Variants in ERICH5 observed in about 807,000 individuals in gnomAD.
The protein encoded by ERICH5 is glutamate rich 5.
In ERICH5, 24 loss-of-function variants were observed where a neutral mutation model predicts 28.0. The observed-to-expected ratio is 0.86, with a 90% CI of 0.62 to 1.21. ERICH5 has a LOEUF of 1.21. Ranked by LOEUF, ERICH5 falls within the 50% of genes most tolerant of loss-of-function variation. The probability of loss-of-function intolerance (pLI) is 0.00; values close to 1 mark genes in which losing one functional copy is unlikely to be tolerated. For missense variants in ERICH5, 421 were observed against 441.2 expected (o/e 0.95, Z 0.41); for synonymous variants, 163 against 157.6 (o/e 1.03, Z -0.25).
chr8:98,082,956 C>A (rs1815208786), intron 1 of ERICH5, among the ~76,000 whole-genome samples: 1 of 152,230 alleles, frequency 6.6e-6, no homozygotes, highest in South Asian at 2.1e-4. Context: ...TGACGGATCA[C>A]TTGGACACTT....
intron 1 of ERICH5, among the ~76,000 whole-genome samples, chr8:98,080,115 C>T (rs886954687): frequency 5.9e-5 from 9 of 152,184 alleles, no homozygotes; most frequent in African/African-American, 1.9e-4. Flanking sequence ...AGTTCTGCCC[C>T]GTGCAGTGAG....
In ERICH5 at chr8:98,089,267, C is replaced by T; in HGVS notation, c.250C>T (p.Leu84=). ...NGVKPLQEQP[L]AKDVAPGRDA... is the part of the protein sequence containing the mutation. ...TGTTAAACCCCTCCAAGAACAGCCC[C>T]TGGCCAAGGACGTAGCCCCTGGAAG... The change falls in exon 2 of 3, where the codon CTG becomes TTG. Residue 84 remains leucine (L), a synonymous_variant. Coordinates refer to ENST00000318528, the MANE Select transcript of ERICH5 (RefSeq NM_173549.3). The T allele has an allele frequency of 1.5e-5, 24 of 1,614,228 alleles. No individual in the cohort carries two copies. Among genetic ancestry groups the T allele is most frequent in the Non-Finnish European group, 2.0e-5 (24 of 1,180,030 alleles).
At chr8:98,088,934 T>C (rs992903287) in intron 1 of ERICH5, 142 bp from the exon 2 acceptor site, 1 of 634,084 alleles carries the variant, frequency 1.6e-6, no homozygotes, top group South Asian at 2.0e-5. Flanking sequence ...GGTCATGGTA[T>C]GGCCTTTCTG....
chr8:98,073,428 C>A (rs1277368637), intron 1 of ERICH5, among the ~76,000 whole-genome samples: 8 of 19,680 alleles, frequency 4.1e-4, no homozygotes, highest in East Asian at 4.9e-3. Context: ...CTCTCTCTCT[C>A]TCTCTATATA....
At chr8:98,087,354 G>A (rs375072664) in intron 1 of ERICH5, among the ~76,000 whole-genome samples, 16 of 151,990 alleles carry the variant, frequency 1.1e-4, no homozygotes, top group African/African-American at 3.6e-4. Context: ...GAGGAGACCC[G>A]AGTATTACTT....
chr8:98,089,892 G>T lies in ERICH5; in HGVS notation c.875G>T (p.Gly292Val). ...GATCCATTCCATAAAACTCCTGAAG[G>T]TCCAGGAAACATGGAGCAGATTCAA... is the stretch of plus-strand genomic sequence containing the variant. ...MNDPFHKTPE[G>V]PGNMEQIQPE... The change falls in exon 2 of 3, where the codon GGT becomes GTT. Residue 292 changes from glycine (G) to valine (V), a missense_variant. Coordinates refer to ENST00000318528, the MANE Select transcript of ERICH5 (RefSeq NM_173549.3). 6.2e-7 allele frequency: 1 copy of T among 1,614,182 alleles called. No individual in the cohort carries two copies. Among genetic ancestry groups the T allele is most frequent in the African/African-American group, 1.3e-5 (1 of 75,048 alleles).
chr8:98,066,199 G>A (rs1037487212), intron 1 of ERICH5, among the ~76,000 whole-genome samples: 3 of 152,174 alleles, frequency 2.0e-5, no homozygotes, highest in African/African-American at 7.2e-5. Flanking sequence ...GATGTTTCGT[G>A]TTTTATGTTA....
At chr8:98,090,386 G>A (rs142542125) in intron 2 of ERICH5, among the ~76,000 whole-genome samples, 2 of 152,254 alleles carry the variant, frequency 1.3e-5, no homozygotes, top group Non-Finnish European at 2.9e-5. Context: ...ATGATTACTG[G>A]AGGAATTCAC....
intron 1 of ERICH5, among the ~76,000 whole-genome samples, chr8:98,074,847 T>C (rs1172748000): frequency 6.6e-6 from 1 of 152,144 alleles, no homozygotes; most frequent in Non-Finnish European, 1.5e-5. Context: ...AAGTCCATGC[T>C]TTAGTCAGAT....
intron 1 of ERICH5, among the ~76,000 whole-genome samples, chr8:98,073,144 G>A (rs763464082): frequency 1.6e-4 from 24 of 151,956 alleles, no homozygotes; most frequent in African/African-American, 4.8e-4. Context: ...TCAAATCCTC[G>A]TTCAGGATCA....
intron 1 of ERICH5, among the ~76,000 whole-genome samples, chr8:98,086,612 TACA>T (rs1461379219): frequency 1.3e-4 from 20 of 152,218 alleles, no homozygotes; most frequent in Admixed American, 1.3e-3. Flanking sequence ...TAATCCAAAT[TACA>T]ACATTAGTAT....
intron 1 of ERICH5, among the ~76,000 whole-genome samples, chr8:98,068,330 T>C (rs184685542): frequency 3.3e-5 from 5 of 152,238 alleles, no homozygotes; most frequent in Admixed American, 2.0e-4. Flanking sequence ...GGTGTGTGTG[T>C]TTGGGAGAAC....
chr8:98,073,227 A>G (rs1424464202), intron 1 of ERICH5, among the ~76,000 whole-genome samples: 1 of 151,442 alleles, frequency 6.6e-6, no homozygotes, highest in Non-Finnish European at 1.5e-5. Flanking sequence ...TAGGATCAAC[A>G]ATAGTACTTC....
Position 98,089,326 on chromosome 8 carries a change from G to T in ERICH5, c.309G>T (p.Lys103Asn), listed in dbSNP as rs35339824. 1 of 1,614,230 alleles carries T rather than the reference G, an allele frequency of 6.2e-7. No individual in the cohort carries two copies. The highest frequency in any genetic ancestry group is 1.7e-5 in the Admixed American group (1 of 60,030). ...CAGACCAATCAGGGTCCACAGAAAA[G>T]ACTCAGCCTGGAGAGGGACTGGAGG... Reference protein sequence around the residue: ...DATDQSGSTEKTQPGEGLEES... With the variant: ...DATDQSGSTENTQPGEGLEES... Residue 103 changes from lysine (K) to asparagine (N), a missense_variant, in exon 2 of 3, where the codon AAG becomes AAT. Physicochemically the swap from Lys to Asn is moderately conservative, Grantham distance 94. Coordinates refer to ENST00000318528, the MANE Select transcript of ERICH5 (RefSeq NM_173549.3).
intron 1 of ERICH5, among the ~76,000 whole-genome samples, chr8:98,066,421 C>T (rs1814820429): frequency 6.6e-6 from 1 of 152,166 alleles, no homozygotes; most frequent in Admixed American, 6.5e-5. Context: ...CTGATTAAAA[C>T]ATGTATTTCA....
At chr8:98,085,866 C>T (rs887088567) in intron 1 of ERICH5, among the ~76,000 whole-genome samples, 4 of 152,148 alleles carry the variant, frequency 2.6e-5, no homozygotes, top group Non-Finnish European at 4.4e-5. Context: ...CTTCTTGCCA[C>T]TGTGTGCACA....
At chr8:98,080,206 ACATTATCCACT>A (rs1815152042) in intron 1 of ERICH5, among the ~76,000 whole-genome samples, 2 of 152,212 alleles carry the variant, frequency 1.3e-5, no homozygotes, top group Non-Finnish European at 2.9e-5. Context: ...CAAATTACAC[ACATTATCCACT>A]CTGTCAATTC....
chr8:98,069,347 A>G (rs1314104421), intron 1 of ERICH5, among the ~76,000 whole-genome samples: 2 of 151,616 alleles, frequency 1.3e-5, no homozygotes, highest in African/African-American at 4.8e-5. Flanking sequence ...TTTAGTTCGA[A>G]TCACACCTGT....
chr8:98,087,951 T>C (rs1291276987), intron 1 of ERICH5, among the ~76,000 whole-genome samples: 1 of 152,146 alleles, frequency 6.6e-6, no homozygotes, highest in East Asian at 1.9e-4. Context: ...GTGGGTGTGG[T>C]GGCTCATGCC....
Sources: gnomAD v4.1 joint callset for allele counts (sites outside exome capture counted in the v4.1 genomes callset) on GRCh38, gnomAD v4.1.1 for gene constraint, MANE v1.5 for transcripts, NCBI Gene and HGNC (gene_info 2026-07-23, HGNC 2026-07-21) for gene names.